Variants in ABHD12B observed in about 807,000 individuals in gnomAD.
ABHD12B encodes the protein abhydrolase domain containing 12B.
A neutral mutation model predicts 50.4 loss-of-function variants in ABHD12B; 42 were observed. The ratio of observed to expected loss-of-function variants is 0.83; its 90% CI spans 0.65 to 1.08. The LOEUF is 1.08. ABHD12B is among the 50% of genes least tolerant of loss of function. ABHD12B has a pLI of 0.00. For synonymous variants in ABHD12B, 167 were observed against 160.3 expected, an observed-to-expected ratio of 1.04 and a Z score of -0.32; for missense variants, 479 against 447.7, an observed-to-expected ratio of 1.07 and a Z score of -0.63.
At chr14:50,881,758 C>T (rs973371447) in intron 5 of ABHD12B, 132 bp downstream of exon 5, 1 of 1,064,096 alleles carries the variant, frequency 9.4e-7, no homozygotes. Context: ...GTTGTGGTGT[C>T]TGGGGCTCAA....
Position 50,904,642 on chromosome 14 carries a change from A to G in ABHD12B, c.*276A>G. 1.9e-6 allele frequency: 1 copy of G among 533,036 alleles called. No homozygotes were observed. 33.0% of individuals were successfully genotyped at this position (533,036 alleles called of 1,614,324 possible). A position where few individuals can be genotyped will look rare whatever the true frequency, so the allele number is the denominator to read the frequency against. ...ATCTAGATCCTATCTAAAAATATGT[A>G]GTTATTAAACATTCTGTGGATATTT... is the stretch of plus-strand genomic sequence containing the variant. On this transcript the variant is annotated 3_prime_UTR_variant, in exon 13 of 13. Coordinates refer to ENST00000337334, the MANE Select transcript of ABHD12B (RefSeq NM_001206673.2).
At chr14:50,898,946 A>G (rs1457558686) in intron 9 of ABHD12B, among the ~76,000 whole-genome samples, 1 of 152,138 alleles carries the variant, frequency 6.6e-6, no homozygotes, top group East Asian at 1.9e-4. Flanking sequence ...TAATCCCAGC[A>G]CTTTGGGAGG....
At chr14:50,895,666 C>G (rs560984223) in intron 9 of ABHD12B, 1 of 152,170 alleles carries the variant, frequency 6.6e-6, no homozygotes, top group Non-Finnish European at 1.5e-5. Context: ...CCGATCGCCT[C>G]GGAAGCCCCC....
At chr14:50,881,816 A>C (rs569749239) in intron 5 of ABHD12B, among the ~76,000 whole-genome samples, 190 bp downstream of exon 5, 2 of 152,252 alleles carry the variant, frequency 1.3e-5, no homozygotes, top group South Asian at 4.1e-4. Context: ...AACAGAACCG[A>C]GCTTCTCTAG....
chr14:50,889,687 T>C (rs1190445967), intron 9 of ABHD12B, among the ~76,000 whole-genome samples: 3 of 152,220 alleles, frequency 2.0e-5, no homozygotes, highest in Non-Finnish European at 2.9e-5. Context: ...TTTATAATCT[T>C]ATTCTATACC....
At chr14:50,886,029 G>A in intron 7 of ABHD12B, 134 bp downstream of exon 7, 1 of 1,271,122 alleles carries the variant, frequency 7.9e-7, no homozygotes, top group Non-Finnish European at 1.1e-6. Context: ...TCACACACTA[G>A]AAGTGGCTGA....
chr14:50,881,657 T>A (rs1272216982), intron 5 of ABHD12B, 31 bp downstream of exon 5: 2 of 1,612,476 alleles, frequency 1.2e-6, no homozygotes, highest in East Asian at 4.5e-5. Flanking sequence ...AAGCACCCAT[T>A]TCATAAGTCT....
At chr14:50,890,545 T>A (rs2050103579) in intron 9 of ABHD12B, among the ~76,000 whole-genome samples, 1 of 152,218 alleles carries the variant, frequency 6.6e-6, no homozygotes, top group Non-Finnish European at 1.5e-5. Context: ...GTCTGTGAAC[T>A]TTATATGAAA....
intron 9 of ABHD12B, chr14:50,892,264 G>A (rs2050129535): frequency 3.8e-6 from 1 of 260,546 alleles, no homozygotes; most frequent in Admixed American, 6.5e-5. Context: ...TAGAAGCAAA[G>A]CCTGAGACAG....
chr14:50,875,874 C>T (rs2049856241), intron 1 of ABHD12B, among the ~76,000 whole-genome samples: 1 of 152,206 alleles, frequency 6.6e-6, no homozygotes, highest in Non-Finnish European at 1.5e-5. Flanking sequence ...CTCTGCTTCC[C>T]AAGCAGACCT....
In ABHD12B at chr14:50,903,398, CCTTT is replaced by C; in HGVS notation, c.877_880del (p.Ser293LeufsTer57). On this transcript the variant is annotated frameshift_variant, in exon 11 of 13. Coordinates refer to ENST00000337334, the MANE Select transcript of ABHD12B (RefSeq NM_001206673.2). LOFTEE classifies it high-confidence loss of function. ...TTCTACTTGTCCCTAGTGTTAAATT[CCTTT>C]CTTCTCCTCTTCTCATCTTACATGG... 1 of 1,611,342 alleles carries C rather than the reference CCTTT, an allele frequency of 6.2e-7. No individual in the cohort carries two copies. The highest frequency in any genetic ancestry group is 8.5e-7 in the Non-Finnish European group (1 of 1,178,256).
chr14:50,880,629 T>C (rs1480820648), intron 4 of ABHD12B, 58 bp downstream of exon 4: 8 of 1,471,654 alleles, frequency 5.4e-6, no homozygotes, highest in Non-Finnish European at 7.2e-6. Context: ...TTCAGCCCCA[T>C]GGGGGAATGA....
intron 1 of ABHD12B, among the ~76,000 whole-genome samples, chr14:50,874,161 A>T (rs1160315229): frequency 1.3e-5 from 2 of 152,178 alleles, no homozygotes; most frequent in East Asian, 3.8e-4. Flanking sequence ...AGAACATTTC[A>T]TCATATGATT....
intron 3 of ABHD12B, 120 bp from the exon 4 acceptor site, chr14:50,880,332 A>G (rs553905479): frequency 9.3e-7 from 1 of 1,079,920 alleles, no homozygotes; most frequent in African/African-American, 1.6e-5. Context: ...TGCCATGTGC[A>G]TATATTAGTC....
chr14:50,890,125 A>G (rs1012546278), intron 9 of ABHD12B, among the ~76,000 whole-genome samples: 2 of 152,222 alleles, frequency 1.3e-5, no homozygotes, highest in African/African-American at 4.8e-5. Flanking sequence ...GAAACTGAAC[A>G]TTCATTTTAA....
chr14:50,872,773 T>C (rs2049804366), intron 1 of ABHD12B, among the ~76,000 whole-genome samples: 1 of 152,196 alleles, frequency 6.6e-6, no homozygotes, highest in South Asian at 2.1e-4. Context: ...CCCTGGCATG[T>C]ATTTAAAGAA....
chr14:50,890,013 C>T (rs1311338212), intron 9 of ABHD12B, among the ~76,000 whole-genome samples: 1 of 152,130 alleles, frequency 6.6e-6, no homozygotes, highest in East Asian at 1.9e-4. Context: ...TTGAAAATGG[C>T]TTTAATATCT....
rs758547835 is a variant in ABHD12B, at chr14:50,878,754, C to T, written c.242C>T (p.Pro81Leu). The T allele has an allele frequency of 6.2e-6, 10 of 1,613,350 alleles. No homozygotes were observed. The South Asian group carries it at 1.1e-4, about 18-fold the overall frequency. ...MLIYFNFFKAPFLVDLKKPEL... is the reference protein window; with the variant it reads ...MLIYFNFFKALFLVDLKKPEL... Reference sequence around the variant, plus strand: ...GATTTTTACTTTCCAGTCAAAGCCCCATTTCTTGTGGATTTAAAGAAACCA... The same window carrying T: ...GATTTTTACTTTCCAGTCAAAGCCCTATTTCTTGTGGATTTAAAGAAACCA... The change falls in exon 3 of 13, where the codon CCA becomes CTA. Residue 81 changes from proline (P) to leucine (L), a missense_variant. Pro to Leu is a moderately conservative substitution (Grantham distance 98, BLOSUM62 -3). Coordinates refer to ENST00000337334, the MANE Select transcript of ABHD12B (RefSeq NM_001206673.2).
At chr14:50,895,949 A>T (rs1030547818) in intron 9 of ABHD12B, among the ~76,000 whole-genome samples, 1 of 152,002 alleles carries the variant, frequency 6.6e-6, no homozygotes, top group Admixed American at 6.6e-5. Flanking sequence ...GAGACACTTT[A>T]ACTAAATTAT....
Sources: allele counts gnomAD v4.1 joint callset (sites outside exome capture counted in the v4.1 genomes callset), GRCh38; gene constraint gnomAD v4.1.1; transcripts MANE v1.5; gene names NCBI Gene and HGNC (gene_info 2026-07-23, HGNC 2026-07-21).